The following TSPAN9 variants were observed in gnomAD, a reference collection of about 807,000 sequenced individuals.
TSPAN9 encodes the protein tetraspanin-9.
Under a neutral mutation model 31.0 loss-of-function variants are expected in TSPAN9, and 16 were observed. The observed-to-expected ratio is 0.52, with a 90% confidence interval of 0.35 to 0.78. The LOEUF (loss-of-function observed/expected upper bound fraction) is 0.78, where lower values mean the gene tolerates loss of function less well. TSPAN9 is among the 30% of genes least tolerant of loss of function. The pLI is 0.01. For missense variants in TSPAN9, 272 were observed against 312.5 expected (o/e 0.87, Z 0.98); for synonymous variants, 145 against 121.6 (o/e 1.19, Z -1.27).
chr12:3,273,787 T>C (rs1862729705), intron 3 of TSPAN9, among the ~76,000 whole-genome samples: 1 of 152,182 alleles, frequency 6.6e-6, no homozygotes, highest in African/African-American at 2.4e-5. Flanking sequence ...CCCTCCTGCC[T>C]GTGCGGGGCA....
In TSPAN9 at chr12:3,187,085, C is replaced by T. The variant is rs981792579; in HGVS notation, c.-17-14092C>T. On this transcript the variant is annotated intron_variant, in intron 2 of 8. Coordinates refer to ENST00000011898, the MANE Select transcript of TSPAN9 (RefSeq NM_006675.5). The surrounding 1 kb of genome is among the most constrained non-coding windows in gnomAD (Gnocchi z 5.2). ...GTAGAGCTGATTGTTGAACGTCTGC[C>T]AGCCCACCACTGGATTGTTACCTCT... Among the ~76,000 whole-genome samples, 4 of 152,168 alleles carry T rather than the reference C, an allele frequency of 2.6e-5. No individual in the cohort carries two copies. The highest frequency in any genetic ancestry group is 9.7e-5 in the African/African-American group (4 of 41,426).
chr12:3,120,948 G>A (rs1340716877), intron 2 of TSPAN9, among the ~76,000 whole-genome samples: 1 of 152,252 alleles, frequency 6.6e-6, no homozygotes, highest in African/African-American at 2.4e-5. Context: ...AGGCGGCTTG[G>A]GCCTTCAGAA....
intron 3 of TSPAN9, among the ~76,000 whole-genome samples, chr12:3,219,707 C>CG (rs1245528093): frequency 1.3e-5 from 2 of 151,798 alleles, no homozygotes; most frequent in African/African-American, 2.4e-5. Context: ...TGGGGCCTGT[C>CG]GGGGGGTGAG....
chr12:3,230,858 C>G (rs2098390382), intron 3 of TSPAN9, among the ~76,000 whole-genome samples: 1 of 152,116 alleles, frequency 6.6e-6, no homozygotes, highest in African/African-American at 2.4e-5. Context: ...CCCCTGGAGA[C>G]CCCTGCAGGA....
chr12:3,128,093 G>A (rs2098328156), intron 2 of TSPAN9, among the ~76,000 whole-genome samples: 1 of 152,202 alleles, frequency 6.6e-6, no homozygotes, highest in Non-Finnish European at 1.5e-5. Context: ...CGTATGTGTG[G>A]TCCGTCATTG....
intron 5 of TSPAN9, 118 bp downstream of exon 5, chr12:3,279,184 A>G: frequency 2.2e-6 from 2 of 906,094 alleles, no homozygotes; most frequent in South Asian, 1.4e-5. Context: ...GCACCTGTGC[A>G]GAAAGGAACA....
At chr12:3,160,753 A>G (rs1404755940) in intron 2 of TSPAN9, among the ~76,000 whole-genome samples, 10 of 152,112 alleles carry the variant, frequency 6.6e-5, no homozygotes. Context: ...TGTATCTTCT[A>G]TTCATATACT....
At chr12:3,253,370 TG>T in intron 3 of TSPAN9, among the ~76,000 whole-genome samples, 1 of 152,238 alleles carries the variant, frequency 6.6e-6, no homozygotes, top group Non-Finnish European at 1.5e-5. Flanking sequence ...TTTTGGATTC[TG>T]GCTTTGACCT....
At chr12:3,080,721 C>T (rs558842060) in intron 1 of TSPAN9, among the ~76,000 whole-genome samples, 37 of 152,322 alleles carry the variant, frequency 2.4e-4, no homozygotes, top group African/African-American at 8.7e-4. Context: ...TGTGCGACAG[C>T]TCCAGAAATT....
chr12:3,270,700 C>T (rs368575799), intron 3 of TSPAN9, among the ~76,000 whole-genome samples: 12 of 152,382 alleles, frequency 7.9e-5, no homozygotes, highest in African/African-American at 2.4e-4. Context: ...GCATTTATCC[C>T]ACCACGCAGG....
chr12:3,196,830 A>G (rs7974684), intron 2 of TSPAN9, among the ~76,000 whole-genome samples: 6,496 of 152,320 alleles, frequency 0.043, 470 homozygotes, highest in African/African-American at 0.15. Flanking sequence ...TTCTGAGGAA[A>G]TGGTTAGTGG....
At chr12:3,104,123 G>C (rs1178202366) in intron 2 of TSPAN9, among the ~76,000 whole-genome samples, 1 of 152,062 alleles carries the variant, frequency 6.6e-6, no homozygotes, top group Non-Finnish European at 1.5e-5. Context: ...CATGAGGCCT[G>C]TTCAAGGCTG....
chr12:3,089,862 C>T (rs530330521), intron 2 of TSPAN9, among the ~76,000 whole-genome samples: 8 of 152,022 alleles, frequency 5.3e-5, no homozygotes, highest in Admixed American at 2.6e-4. Flanking sequence ...GCTGTGATCA[C>T]GCCGCTGTAC....
At chr12:3,228,444 G>A (rs1347848647) in intron 3 of TSPAN9, among the ~76,000 whole-genome samples, 2 of 152,224 alleles carry the variant, frequency 1.3e-5, no homozygotes, top group Non-Finnish European at 2.9e-5. Context: ...AAATCTCAGA[G>A]GTGTTGGGGG....
At chr12:3,210,498 TGA>T (rs1489805957) in intron 3 of TSPAN9, among the ~76,000 whole-genome samples, 2 of 152,254 alleles carry the variant, frequency 1.3e-5, no homozygotes, top group African/African-American at 4.8e-5. Flanking sequence ...CATTTTTTAT[TGA>T]GTTGCGTTTT....
chr12:3,143,385 C>T lies in TSPAN9; in HGVS notation c.-17-57792C>T, dbSNP rs2098335781. ...TCAAACCTTTGCTCACTAATTTTAG[C>T]ATCCATCAGGGGTTTTTGCTTGCAG... is the stretch of plus-strand genomic sequence containing the variant. On this transcript the variant is annotated intron_variant, in intron 2 of 8. Coordinates refer to ENST00000011898, the MANE Select transcript of TSPAN9 (RefSeq NM_006675.5). This position sits in a 1 kb window ranked among gnomAD's most constrained non-coding sequence, Gnocchi z 4.2. 6.6e-6 allele frequency among the ~76,000 whole-genome samples: 1 copy of T among 151,006 alleles called. No individual in the cohort carries two copies. The highest frequency in any genetic ancestry group is 1.5e-5 in the Non-Finnish European group (1 of 67,930).
intron 3 of TSPAN9, among the ~76,000 whole-genome samples, chr12:3,237,768 C>G (rs1271874551): frequency 1.3e-5 from 2 of 152,186 alleles, no homozygotes; most frequent in Non-Finnish European, 2.9e-5. Context: ...CCTTCCCTTC[C>G]GAAGCCAGAG....
chr12:3,184,280 C>T (rs1340887753), intron 2 of TSPAN9, among the ~76,000 whole-genome samples: 1 of 151,976 alleles, frequency 6.6e-6, no homozygotes, highest in African/African-American at 2.4e-5. Flanking sequence ...CACTTGTAGT[C>T]CCAGCTACTT....
chr12:3,118,466 G>T (rs1438621788), intron 2 of TSPAN9, among the ~76,000 whole-genome samples: 1 of 151,580 alleles, frequency 6.6e-6, no homozygotes, highest in Admixed American at 6.6e-5. Flanking sequence ...TTACCATGTT[G>T]GCCAAGCTGG....
Sources: gnomAD v4.1 joint callset for allele counts (sites outside exome capture counted in the v4.1 genomes callset) on GRCh38, gnomAD v4.1.1 for gene constraint, Gnocchi (gnomAD v3.1) non-coding constraint, MANE v1.5 for transcripts, NCBI Gene and HGNC (gene_info 2026-07-23, HGNC 2026-07-21) for gene names.